The following ASTN2 variants were observed in gnomAD, a reference collection of about 807,000 sequenced individuals.
ASTN2 encodes astrotactin 2.
A neutral mutation model predicts 139.8 loss-of-function variants in ASTN2; 54 were observed. That is an observed-to-expected ratio of 0.39 (90% CI 0.31 to 0.48). The LOEUF is 0.48. Among genes scored for constraint, ASTN2 ranks in the 20% least tolerant of loss-of-function variants. The pLI is 0.95. For synonymous variants in ASTN2, 756 were observed against 719.5 expected, an observed-to-expected ratio of 1.05 and a Z score of -0.81; for missense variants, 1,565 against 1,725.1, an observed-to-expected ratio of 0.91 and a Z score of 1.64.
chr9:116,756,790 C>CACACACAT (rs1829544253), intron 13 of ASTN2, among the ~76,000 whole-genome samples: 2 of 151,552 alleles, frequency 1.3e-5, no homozygotes, highest in African/African-American at 4.9e-5. Flanking sequence ...CACACACACA[C>CACACACAT]ACACACACAT....
chr9:117,136,368 A>G (rs749961729), intron 4 of ASTN2, among the ~76,000 whole-genome samples: 3 of 152,242 alleles, frequency 2.0e-5, no homozygotes, highest in Non-Finnish European at 4.4e-5. Flanking sequence ...TTAAACTAAA[A>G]TAAACATGCA....
chr9:117,112,615 A>G (rs1564431252), intron 4 of ASTN2, among the ~76,000 whole-genome samples: 1 of 152,222 alleles, frequency 6.6e-6, no homozygotes, highest in Non-Finnish European at 1.5e-5. Context: ...TTAACTCAAA[A>G]TGGATTACAG....
At chr9:116,766,522 C>T (rs940563680) in intron 13 of ASTN2, among the ~76,000 whole-genome samples, 1 of 151,786 alleles carries the variant, frequency 6.6e-6, no homozygotes, top group Non-Finnish European at 1.5e-5. Context: ...CACATAAATG[C>T]ACACACACTC....
intron 1 of ASTN2, among the ~76,000 whole-genome samples, chr9:117,407,234 G>A (rs931687257): frequency 2.6e-5 from 4 of 152,174 alleles, no homozygotes; most frequent in African/African-American, 9.7e-5. Context: ...GTGTGATCAG[G>A]GACCTTGTAC....
intron 16 of ASTN2, among the ~76,000 whole-genome samples, chr9:116,724,812 G>GATA (rs1828571721): frequency 6.6e-6 from 1 of 152,126 alleles, no homozygotes; most frequent in Non-Finnish European, 1.5e-5. Context: ...ACAAATAGTT[G>GATA]ATAATAATAG....
intron 1 of ASTN2, among the ~76,000 whole-genome samples, chr9:117,394,882 A>G (rs1447164619): frequency 6.6e-6 from 1 of 152,110 alleles, no homozygotes; most frequent in Non-Finnish European, 1.5e-5. Context: ...CACATGAGAG[A>G]AAGACAACCT....
chr9:116,796,493 T>A (rs1830692929), intron 13 of ASTN2, among the ~76,000 whole-genome samples: 1 of 152,164 alleles, frequency 6.6e-6, no homozygotes, highest in Admixed American at 6.5e-5. Context: ...TTGTGTCAGA[T>A]GCTCTCAGCC....
At chr9:116,846,093 A>C (rs1028741208) in intron 11 of ASTN2, among the ~76,000 whole-genome samples, 2 of 152,200 alleles carry the variant, frequency 1.3e-5, no homozygotes, top group Non-Finnish European at 2.9e-5. Context: ...TAAGTGAAAT[A>C]AGCCAGTCAC....
intron 10 of ASTN2, among the ~76,000 whole-genome samples, chr9:116,921,404 C>T (rs1400075795): frequency 2.8e-5 from 4 of 144,080 alleles, no homozygotes; most frequent in East Asian, 2.0e-4. Context: ...CTGACTAACA[C>T]GGTGAAACTC....
intron 2 of ASTN2, among the ~76,000 whole-genome samples, chr9:117,275,921 G>C (rs1227092322): frequency 7.8e-4 from 119 of 152,168 alleles, no homozygotes; most frequent in Non-Finnish European, 1.5e-4. Context: ...CCTCCTTAAA[G>C]GCTGTATCTC....
chr9:117,193,365 C>T (rs913111533), intron 3 of ASTN2, among the ~76,000 whole-genome samples: 2 of 151,994 alleles, frequency 1.3e-5, no homozygotes, highest in African/African-American at 2.4e-5. Context: ...TCTGGCTGGG[C>T]GTGGTGGCTC....
At chr9:116,765,513 T>G (rs1829784635) in intron 13 of ASTN2, among the ~76,000 whole-genome samples, 1 of 152,200 alleles carries the variant, frequency 6.6e-6, no homozygotes, top group Admixed American at 6.5e-5. Context: ...CTTCTGGGAT[T>G]TATCCTAAGA....
At chr9:116,920,053 G>A (rs1009255202) in intron 10 of ASTN2, among the ~76,000 whole-genome samples, 4 of 152,134 alleles carry the variant, frequency 2.6e-5, no homozygotes, top group Non-Finnish European at 5.9e-5. Context: ...TTCTTATAAT[G>A]GACAAGTCTT....
At chr9:117,171,325 C>CT (rs1168275793) in intron 3 of ASTN2, among the ~76,000 whole-genome samples, 4 of 152,140 alleles carry the variant, frequency 2.6e-5, no homozygotes, top group African/African-American at 9.7e-5. Context: ...AAAGCCCTGC[C>CT]TGCATGGGTT....
intron 2 of ASTN2, among the ~76,000 whole-genome samples, chr9:117,223,046 A>G (rs1354603179): frequency 1.3e-5 from 2 of 152,244 alleles, no homozygotes; most frequent in African/African-American, 2.4e-5. Flanking sequence ...TTCAGAACAT[A>G]TTGCAAAAGG....
chr9:116,834,285 T>G (rs1410543666), intron 11 of ASTN2, among the ~76,000 whole-genome samples: 2 of 152,226 alleles, frequency 1.3e-5, no homozygotes, highest in African/African-American at 4.8e-5. Flanking sequence ...GGGCATAATG[T>G]TCTATAAATG....
At chr9:116,426,491 A>T (rs1351925453) in intron 22 of ASTN2, among the ~76,000 whole-genome samples, 1 of 152,178 alleles carries the variant, frequency 6.6e-6, no homozygotes, top group East Asian at 1.9e-4. Flanking sequence ...TTTTTTATTT[A>T]GCCTTTATAA....
In ASTN2 at chr9:117,171,008, G is replaced by A. The variant is rs563425391; in HGVS notation, c.1016-29530C>T. Among the ~76,000 whole-genome samples, 18 of 152,150 alleles carry A rather than the reference G, an allele frequency of 1.2e-4. No individual in the cohort carries two copies. The South Asian group carries it at 3.1e-3, about 26-fold the overall frequency. ...GCTGGGCTCAAAGTTGCTGGGAACCGCATCATTACCACCAACCATGCCATC... is the reference window on the plus strand; with the variant it reads ...GCTGGGCTCAAAGTTGCTGGGAACCACATCATTACCACCAACCATGCCATC... On this transcript the variant is annotated intron_variant, in intron 3 of 22. Coordinates refer to ENST00000313400, the MANE Select transcript of ASTN2 (RefSeq NM_001365068.1).
chr9:117,391,919 T>C (rs1830552204), intron 1 of ASTN2, among the ~76,000 whole-genome samples: 7 of 152,208 alleles, frequency 4.6e-5, no homozygotes, highest in Admixed American at 4.6e-4. Context: ...CATGCAAGTC[T>C]GAAATCCGGC....
Sources: gnomAD v4.1 joint callset for allele counts (sites outside exome capture counted in the v4.1 genomes callset) on GRCh38, gnomAD v4.1.1 for gene constraint, MANE v1.5 for transcripts, NCBI Gene and HGNC (gene_info 2026-07-23, HGNC 2026-07-21) for gene names.